Variants in FOXP2 observed in about 807,000 individuals in gnomAD.
FOXP2 encodes forkhead box P2, also known as forkhead box protein P2.
Under a neutral mutation model 115.8 loss-of-function variants are expected in FOXP2, and 12 were observed. That is an observed-to-expected ratio of 0.10 (90% CI 0.07 to 0.17). FOXP2 has a LOEUF of 0.17. Ranked by LOEUF, FOXP2 falls within the 10% of genes least tolerant of loss-of-function variation. The pLI is 1.00. For synonymous variants in FOXP2, 328 were observed against 297.7 expected (o/e 1.10, Z -1.05); for missense variants, 629 against 843.5 (o/e 0.75, Z 3.15).
At chr7:114,627,304 A>G (rs1804643930) in intron 3 of FOXP2, among the ~76,000 whole-genome samples, 1 of 152,042 alleles carries the variant, frequency 6.6e-6, no homozygotes. Context: ...TTTGAAAGAC[A>G]TGTTGCCCAA....
chr7:114,666,792 C>G, intron 16 of FOXP2: 1 of 152,038 alleles, frequency 6.6e-6, no homozygotes, highest in South Asian at 2.1e-4. Context: ...GGATTGAGCA[C>G]GTTACTTAAT....
At position 114,651,341 on chromosome 7, in the gene FOXP2, A is replaced by G. The variant is rs181948991; in HGVS notation, c.1095-862A>G. On this transcript the variant is annotated intron_variant, in intron 8 of 16. Coordinates refer to ENST00000350908, the MANE Select transcript of FOXP2 (RefSeq NM_014491.4). ...CTAAAGGATATTGAATTACTTGAAG[A>G]TTACTTTCTTTAATTTTGGGAAGCA... Among the ~76,000 whole-genome samples, 310 of 152,188 alleles carry G rather than the reference A, an allele frequency of 2.0e-3. 2 individuals are homozygous for G. Among genetic ancestry groups the G allele is most frequent in the African/African-American group, 6.7e-3 (280 of 41,556 alleles).
chr7:114,495,922 T>C (rs1468628289), intron 2 of FOXP2, among the ~76,000 whole-genome samples: 3 of 152,202 alleles, frequency 2.0e-5, no homozygotes, highest in Non-Finnish European at 4.4e-5. Context: ...TTAGCTAAAG[T>C]AGAATTTTAG....
intron 2 of FOXP2, among the ~76,000 whole-genome samples, chr7:114,527,402 G>C (rs73429339): frequency 0.026 from 3,960 of 151,640 alleles, 172 homozygotes; most frequent in African/African-American, 0.088. Context: ...TTACTGTGCC[G>C]TCCTCACAAT....
chr7:114,137,975 G>A (rs1482877871), intron 1 of FOXP2, among the ~76,000 whole-genome samples: 2 of 152,066 alleles, frequency 1.3e-5, no homozygotes, highest in Non-Finnish European at 2.9e-5. Context: ...TAGAGAAATA[G>A]GGCTGGTTAT....
chr7:114,621,617 A>T (rs1804262093), intron 3 of FOXP2, among the ~76,000 whole-genome samples: 1 of 152,000 alleles, frequency 6.6e-6, no homozygotes. Flanking sequence ...CTCCAAGTGC[A>T]GTGAGAGCAT....
intron 8 of FOXP2, among the ~76,000 whole-genome samples, chr7:114,648,692 T>TA (rs1256314685): frequency 2.6e-5 from 4 of 152,150 alleles, no homozygotes; most frequent in Admixed American, 2.0e-4. Flanking sequence ...TTTGACTGCT[T>TA]ATTATGTATC....
intron 2 of FOXP2, among the ~76,000 whole-genome samples, chr7:114,479,361 A>G (rs1796423273): frequency 6.6e-6 from 1 of 151,532 alleles, no homozygotes; most frequent in Non-Finnish European, 1.5e-5. Context: ...TAGTTTGCTT[A>G]TTTGATTAGA....
At chr7:114,393,109 T>TATACACATAGACATAC (rs1792646267) in intron 2 of FOXP2, among the ~76,000 whole-genome samples, 1 of 152,130 alleles carries the variant, frequency 6.6e-6, no homozygotes, top group Non-Finnish European at 1.5e-5. Flanking sequence ...ACACAAAAAG[T>TATACACATAGACATAC]ACATAGAATA....
rs1554382697 is a variant in FOXP2 at position 114,390,522 on chromosome 7, G to GTATGTATTTATTTATC, written c.-10-35977_-10-35976insGTATTTATTTATCTAT. 9.2e-3 allele frequency among the ~76,000 whole-genome samples: 1,370 copies of GTATGTATTTATTTATC among 148,362 alleles called. 22 individuals carry two copies. The highest frequency in any genetic ancestry group is 0.032 in the African/African-American group (1,290 of 40,394). On this transcript the variant is annotated intron_variant, in intron 2 of 17. Transcript: ENST00000634411. Reference sequence around the variant, plus strand: ...GGCACCATACTTTTGTTTTATTTATGTATTTATTTATTTATTTATTTATTT... The same window carrying GTATGTATTTATTTATC: ...GGCACCATACTTTTGTTTTATTTATGTATGTATTTATTTATCTATTTATTTATTTATTTATTTATTT...
chr7:114,309,397 A>G (rs1346353145), intron 2 of FOXP2, among the ~76,000 whole-genome samples: 2 of 152,170 alleles, frequency 1.3e-5, no homozygotes, highest in East Asian at 3.9e-4. Context: ...CAGGTGCTGT[A>G]AGTCTGGCAT....
At chr7:114,634,717 T>C (rs1051355753) in intron 6 of FOXP2, among the ~76,000 whole-genome samples, 1 of 152,058 alleles carries the variant, frequency 6.6e-6, no homozygotes, top group Non-Finnish European at 1.5e-5. Flanking sequence ...TATAAATCTA[T>C]GTAATATATG....
intron 2 of FOXP2, among the ~76,000 whole-genome samples, chr7:114,490,910 G>C (rs1479207202): frequency 6.6e-6 from 1 of 152,094 alleles, no homozygotes; most frequent in East Asian, 1.9e-4. Context: ...TATCATTGTT[G>C]AACATTTGGG....
chr7:114,086,422 C>G (rs748279569), upstream of FOXP2: 1 of 345,256 alleles, frequency 2.9e-6, no homozygotes, highest in South Asian at 2.1e-5. Flanking sequence ...CGCGAACGCC[C>G]GCCCCGGTTA....
At chr7:114,482,994 T>C (rs1796623902) in intron 2 of FOXP2, among the ~76,000 whole-genome samples, 1 of 151,680 alleles carries the variant, frequency 6.6e-6, no homozygotes, top group African/African-American at 2.4e-5. Flanking sequence ...AAGGTTTAGC[T>C]GATAGGCTTC....
At chr7:114,367,351 G>A (rs1283464602) in intron 2 of FOXP2, among the ~76,000 whole-genome samples, 1 of 152,092 alleles carries the variant, frequency 6.6e-6, no homozygotes, top group African/African-American at 2.4e-5. Context: ...CTGACTAAAT[G>A]TGGTCTTTGA....
chr7:114,508,088 C>G (rs1241764782), intron 2 of FOXP2, among the ~76,000 whole-genome samples: 1 of 151,906 alleles, frequency 6.6e-6, no homozygotes, highest in East Asian at 1.9e-4. Flanking sequence ...AGCATACATA[C>G]TTTTTAAAAA....
intron 1 of FOXP2, among the ~76,000 whole-genome samples, chr7:114,127,317 T>C (rs1791741709): frequency 6.6e-6 from 1 of 152,146 alleles, no homozygotes; most frequent in South Asian, 2.1e-4. Context: ...GGATCTTGTT[T>C]ATTAGAAGCA....
Position 114,692,873 on chromosome 7 carries a change from T to C in FOXP2, c.*2947T>C, listed in dbSNP as rs1808742638. 4.4e-6 allele frequency: 2 copies of C among 453,920 alleles called. No individual in the cohort carries two copies. Among genetic ancestry groups the C allele is most frequent in the African/African-American group, 4.0e-5 (2 of 49,990 alleles). The allele number at this position is 453,920 out of a possible 1,614,324, so 28.1% of individuals were successfully genotyped here. A position where few individuals can be genotyped will look rare whatever the true frequency, so the allele number is the denominator to read the frequency against. On this transcript the variant is annotated 3_prime_UTR_variant, in exon 17 of 17. Coordinates refer to ENST00000350908, the MANE Select transcript of FOXP2 (RefSeq NM_014491.4). ...TAATTTTTGATACTTTTCATTACTGTGTACTATGTTCATACTTTGAATTCT... is the reference window on the plus strand; with the variant it reads ...TAATTTTTGATACTTTTCATTACTGCGTACTATGTTCATACTTTGAATTCT...
Sources: gnomAD v4.1 joint callset for allele counts (sites outside exome capture counted in the v4.1 genomes callset) on GRCh38, gnomAD v4.1.1 for gene constraint, MANE v1.5 for transcripts, NCBI Gene and HGNC (gene_info 2026-07-23, HGNC 2026-07-21) for gene names.